Variants in BNC2 observed in about 807,000 individuals in gnomAD.
BNC2 encodes the protein basonuclin zinc finger protein 2.
BNC2 carries 20 observed loss-of-function variants against 76.3 expected under a neutral mutation model. That is an observed-to-expected ratio of 0.26 (90% CI 0.18 to 0.38). The LOEUF (loss-of-function observed/expected upper bound fraction) is 0.38, where lower values mean the gene tolerates loss of function less well. Among genes scored for constraint, BNC2 ranks in the 10% least tolerant of loss-of-function variants. BNC2 has a pLI of 1.00. For synonymous variants in BNC2, 582 were observed against 514.8 expected, an observed-to-expected ratio of 1.13 and a Z score of -1.77; for missense variants, 1,382 against 1,399.8, an observed-to-expected ratio of 0.99 and a Z score of 0.20.
At chr9:16,807,749 C>G (rs1374757420) in intron 1 of BNC2, among the ~76,000 whole-genome samples, 1 of 152,098 alleles carries the variant, frequency 6.6e-6, no homozygotes, top group Non-Finnish European at 1.5e-5. Flanking sequence ...CTATTGTTAT[C>G]TAAAATATAA....
At chr9:16,728,095 A>C in intron 2 of BNC2, 98 bp from the exon 3 acceptor site, 23 of 481,348 alleles carry the variant, frequency 4.8e-5, no homozygotes, top group Non-Finnish European at 6.0e-5. Context: ...TCATTTGGGA[A>C]GGGGGAGATT....
chr9:16,446,910 A>G (rs1246233664), intron 5 of BNC2, among the ~76,000 whole-genome samples: 1 of 152,106 alleles, frequency 6.6e-6, no homozygotes, highest in Non-Finnish European at 1.5e-5. Context: ...AACCAGCCAT[A>G]TGCATTTCCT....
chr9:16,413,480 A>G lies in BNC2; in HGVS notation c.*5509T>C, dbSNP rs1820518890. 1 of 152,176 alleles carries G rather than the reference A, an allele frequency of 6.6e-6. No homozygotes were observed. Among genetic ancestry groups the G allele is most frequent in the Non-Finnish European group, 1.5e-5 (1 of 68,042 alleles). The allele number at this position is 152,176 out of a possible 1,614,324, so 9.4% of individuals were successfully genotyped here. A position where few individuals can be genotyped will look rare whatever the true frequency, so the allele number is the denominator to read the frequency against. ...ATTTTTCAACAAATGCCAAAAAGAC[A>G]GTATGCCGAATAACATAGTTATTGC... On this transcript the variant is annotated 3_prime_UTR_variant, in exon 7 of 7. Transcript: ENST00000380672.
Position 16,477,817 on chromosome 9 carries a change from G to A in BNC2, c.670-40293C>T, listed in dbSNP as rs144252319. 8.2e-3 allele frequency among the ~76,000 whole-genome samples: 1,245 copies of A among 152,216 alleles called. 13 individuals are homozygous for A. Among genetic ancestry groups the A allele is most frequent in the Middle Eastern group, 0.034 (10 of 294 alleles). On this transcript the variant is annotated intron_variant, in intron 5 of 6. Transcript: ENST00000380672. ...CAAAAGGACAGGCATCCTCAGAGTAGGCCTGGAGGGAAACTTCCTTTGGCT... is the reference window on the plus strand; with the variant it reads ...CAAAAGGACAGGCATCCTCAGAGTAAGCCTGGAGGGAAACTTCCTTTGGCT...
intron 6 of BNC2, chr9:16,434,795 C>G: frequency 2.2e-6 from 1 of 455,524 alleles, no homozygotes; most frequent in Non-Finnish European, 4.4e-6. Flanking sequence ...TATATTCGTG[C>G]TGATCCTCAA....
At chr9:16,562,405 T>C (rs145056786) in intron 4 of BNC2, among the ~76,000 whole-genome samples, 5 of 152,354 alleles carry the variant, frequency 3.3e-5, no homozygotes, top group African/African-American at 1.2e-4. Flanking sequence ...AGTTTGAATA[T>C]TTTCCTGTCC....
chr9:16,754,002 G>T lies in BNC2; in HGVS notation c.4-15517C>A, dbSNP rs1825301274. 3.9e-5 allele frequency among the ~76,000 whole-genome samples: 6 copies of T among 152,164 alleles called. 1 individual carries two copies. In the South Asian group the frequency reaches 1.2e-3, roughly 32 times the overall value. ...ACAACCAATGGGGTCCATGGCTCCA[G>T]CCCAGATGGGCTCCAGCAAAGCAAG... On this transcript the variant is annotated intron_variant, in intron 1 of 6. Coordinates refer to ENST00000380672, the MANE Select transcript of BNC2 (RefSeq NM_017637.6).
At chr9:16,748,738 G>A in intron 1 of BNC2, among the ~76,000 whole-genome samples, 1 of 148,932 alleles carries the variant, frequency 6.7e-6, no homozygotes, top group East Asian at 2.0e-4. Context: ...AGCTACTCAG[G>A]AGGCTGAGGC....
chr9:16,523,569 T>C (rs1328606565), intron 5 of BNC2, among the ~76,000 whole-genome samples: 1 of 151,666 alleles, frequency 6.6e-6, no homozygotes, highest in African/African-American at 2.4e-5. Flanking sequence ...TTAAACCCTC[T>C]TCAAAGTATG....
intron 5 of BNC2, among the ~76,000 whole-genome samples, chr9:16,530,147 G>A (rs1001522951): frequency 1.1e-4 from 17 of 151,852 alleles, no homozygotes; most frequent in African/African-American, 4.1e-4. Context: ...GGCCAAAAAA[G>A]TGAAGTGTTT....
At chr9:16,655,099 A>G (rs554695539) in intron 3 of BNC2, among the ~76,000 whole-genome samples, 1 of 151,892 alleles carries the variant, frequency 6.6e-6, no homozygotes, top group Admixed American at 6.6e-5. Context: ...ACCTCTGCAG[A>G]CAGACTAGGC....
At chr9:16,516,394 TA>T (rs1478889670) in intron 5 of BNC2, among the ~76,000 whole-genome samples, 1 of 151,846 alleles carries the variant, frequency 6.6e-6, no homozygotes, top group Admixed American at 6.6e-5. Context: ...CTAACCACAC[TA>T]ACCTAAAGAA....
At chr9:16,625,170 T>C (rs780030861) in intron 3 of BNC2, among the ~76,000 whole-genome samples, 2 of 152,238 alleles carry the variant, frequency 1.3e-5, no homozygotes, top group African/African-American at 2.4e-5. Context: ...ATCTACCCTA[T>C]GCATTAGTCA....
chr9:16,729,518 G>A (rs192956813), intron 2 of BNC2, among the ~76,000 whole-genome samples: 3 of 151,636 alleles, frequency 2.0e-5, no homozygotes, highest in South Asian at 2.1e-4. Context: ...CTCTAGAACC[G>A]ACATCTCCTG....
intron 3 of BNC2, among the ~76,000 whole-genome samples, chr9:16,621,177 T>G (rs902996225): frequency 1.2e-4 from 18 of 152,216 alleles, no homozygotes; most frequent in African/African-American, 4.3e-4. Flanking sequence ...ATGGCTATCT[T>G]GAGGATCTGG....
intron 1 of BNC2, among the ~76,000 whole-genome samples, chr9:16,827,510 T>A (rs1818482391): frequency 6.6e-6 from 1 of 152,142 alleles, no homozygotes; most frequent in South Asian, 2.1e-4. Context: ...TGTCACTCAT[T>A]GTCATATTCC....
intron 5 of BNC2, among the ~76,000 whole-genome samples, chr9:16,452,989 C>T (rs1821374309): frequency 6.6e-6 from 1 of 152,166 alleles, no homozygotes; most frequent in African/African-American, 2.4e-5. Context: ...TAAACCCAAA[C>T]CTAGAACACA....
chr9:16,480,179 C>G (rs1822016414), intron 5 of BNC2, among the ~76,000 whole-genome samples: 1 of 152,180 alleles, frequency 6.6e-6, no homozygotes, highest in African/African-American at 2.4e-5. Context: ...AGTCAAAGAC[C>G]TCACAAGTGG....
rs147243554 is a variant in BNC2, at chr9:16,864,919, A to C, written c.3+5727T>G. Among the ~76,000 whole-genome samples, 590 of 152,034 alleles carry C rather than the reference A, an allele frequency of 3.9e-3. 3 individuals are homozygous for C. Among genetic ancestry groups the C allele is most frequent in the African/African-American group, 0.013 (558 of 41,484 alleles). On this transcript the variant is annotated intron_variant, in intron 1 of 6. Coordinates refer to ENST00000380672, the MANE Select transcript of BNC2 (RefSeq NM_017637.6). Reference sequence around the variant, plus strand: ...GGAGCTTGGTAATCCACAGACACTGAGCAGAGATCCTTGGCTCAAGCAGAG... The same window carrying C: ...GGAGCTTGGTAATCCACAGACACTGCGCAGAGATCCTTGGCTCAAGCAGAG...
Sources: allele counts gnomAD v4.1 joint callset (sites outside exome capture counted in the v4.1 genomes callset), GRCh38; gene constraint gnomAD v4.1.1; transcripts MANE v1.5; gene names NCBI Gene and HGNC (gene_info 2026-07-23, HGNC 2026-07-21).